Variants in COQ7 observed in about 807,000 individuals in gnomAD.
COQ7 encodes coenzyme Q7, hydroxylase.
In COQ7, 21 loss-of-function variants were observed where a neutral mutation model predicts 25.0. That is an observed-to-expected ratio of 0.84 (90% CI 0.60 to 1.21). The LOEUF (loss-of-function observed/expected upper bound fraction) is 1.21, where lower values mean the gene tolerates loss of function less well. Among genes scored for constraint, COQ7 ranks in the 50% most tolerant of loss-of-function variants. The pLI, the probability that COQ7 is intolerant of heterozygous loss-of-function variation, is 0.00. For synonymous variants in COQ7, 125 were observed against 112.4 expected (o/e 1.11, Z -0.71); for missense variants, 311 against 296.2 (o/e 1.05, Z -0.37).
rs200340978 is a variant in COQ7 at position 19,074,234 on chromosome 16, T to TA, written c.367+208dup. 979 of 421,930 alleles carry TA rather than the reference T, an allele frequency of 2.3e-3. 3 individuals carry two copies. The highest frequency in any genetic ancestry group is 0.012 in the African/African-American group (582 of 48,378). The allele number at this position is 421,930 out of a possible 1,614,324, so 26.1% of individuals were successfully genotyped here. A position where few individuals can be genotyped will look rare whatever the true frequency, so the allele number is the denominator to read the frequency against. ...AGATAGAATCTTAATGTCAGTACTTTAAAAAAAAAGGCCGGGCGTGATGGC... is the reference window on the plus strand; with the variant it reads ...AGATAGAATCTTAATGTCAGTACTTTAAAAAAAAAAGGCCGGGCGTGATGGC... On this transcript the variant is annotated intron_variant, in intron 3 of 5. Coordinates refer to ENST00000321998, the MANE Select transcript of COQ7 (RefSeq NM_016138.5).
intron 5 of COQ7, among the ~76,000 whole-genome samples, chr16:19,077,604 T>TTTTTTTTTTTTTTTTTTTTTTTTC (rs1555522742): frequency 3.5e-5 from 5 of 143,718 alleles, no homozygotes; most frequent in Non-Finnish European, 6.1e-5. Flanking sequence ...TTTTTTTTTT[T>TTTTTTTTTTTTTTTTTTTTTTTTC]CCCAGACACA....
rs1156790697 is a variant in COQ7, at chr16:19,067,854, A to G, written c.73+117A>G. 6.6e-5 allele frequency: 99 copies of G among 1,504,500 alleles called. 1 individual carries two copies. The highest frequency in any genetic ancestry group is 4.4e-6 in the Non-Finnish European group (5 of 1,135,446). 93.2% of individuals were successfully genotyped at this position (1,504,500 alleles called of 1,614,324 possible). Reference sequence around the variant, plus strand: ...AGGTTCGTAACGTCACAGGCCTGCGACGGAGCGCGACTGCGTGACTTCGGC... The same window carrying G: ...AGGTTCGTAACGTCACAGGCCTGCGGCGGAGCGCGACTGCGTGACTTCGGC... On this transcript the variant is annotated intron_variant, in intron 1 of 5. Coordinates refer to ENST00000321998, the MANE Select transcript of COQ7 (RefSeq NM_016138.5).
intron 4 of COQ7, 125 bp downstream of exon 4, chr16:19,075,985 C>T (rs1325318154): frequency 6.9e-6 from 9 of 1,304,138 alleles, no homozygotes; most frequent in African/African-American, 1.5e-5. Flanking sequence ...AGGTCAGTGC[C>T]TCAGTTTAAA....
intron 2 of COQ7, chr16:19,072,527 A>G: frequency 6.1e-6 from 1 of 162,858 alleles, no homozygotes; most frequent in South Asian, 1.7e-4. Flanking sequence ...GCTCTCTCCC[A>G]CCTCCTACCT....
At chr16:19,075,026 A>G (rs201808791) in intron 3 of COQ7, among the ~76,000 whole-genome samples, 1 of 152,086 alleles carries the variant, frequency 6.6e-6, no homozygotes, top group African/African-American at 2.4e-5. Flanking sequence ...ACTCACCCCA[A>G]ATGCTGACTT....
intron 1 of COQ7, among the ~76,000 whole-genome samples, chr16:19,071,212 G>A (rs1355161945): frequency 6.6e-6 from 1 of 152,056 alleles, no homozygotes; most frequent in Non-Finnish European, 1.5e-5. Context: ...CTTGGCTCAC[G>A]GCAATCTCTG....
downstream of COQ7, chr16:19,080,135 A>G (rs1056843793): frequency 2.6e-5 from 4 of 152,236 alleles, no homozygotes; most frequent in Non-Finnish European, 5.9e-5. Context: ...GTAAAGGGTT[A>G]TAAAAGGTTT....
Position 19,078,345 on chromosome 16 carries a change from A to G in COQ7, c.*187A>G. 3 of 455,828 alleles carry G rather than the reference A, an allele frequency of 6.6e-6. No homozygotes were observed. In the South Asian group the frequency reaches 1.3e-4, roughly 20 times the overall value. The allele number at this position is 455,828 out of a possible 1,614,324, so 28.2% of individuals were successfully genotyped here. ...TTTTCTCTGGGTTGTTTTTTCTGCC[A>G]TGAGACCAACAGGTCACCAGCCTTG... is the stretch of plus-strand genomic sequence containing the variant. On this transcript the variant is annotated 3_prime_UTR_variant, in exon 6 of 6. Coordinates refer to ENST00000321998, the MANE Select transcript of COQ7 (RefSeq NM_016138.5).
Position 19,073,959 on chromosome 16 carries a change from C to A in COQ7, c.291C>A (p.Phe97Leu). The change falls in exon 3 of 6, where the codon TTC becomes TTA. Residue 97 changes from phenylalanine to leucine, a missense_variant. Phe to Leu is a conservative substitution (Grantham distance 22, BLOSUM62 0). Transcript: ENST00000321998. Reference protein sequence around the residue: ...WDQEKDHLKKFNELMVTFRVR... With the variant: ...WDQEKDHLKKLNELMVTFRVR... Reference sequence around the variant, plus strand: ...AAGAAAAGGACCATTTGAAAAAGTTCAATGAGTTGATGGTTACGTTCAGGG... The same window carrying A: ...AAGAAAAGGACCATTTGAAAAAGTTAAATGAGTTGATGGTTACGTTCAGGG... 6.2e-7 allele frequency: 1 copy of A among 1,613,746 alleles called. No individual in the cohort carries two copies. Among genetic ancestry groups the A allele is most frequent in the South Asian group, 1.1e-5 (1 of 91,054 alleles).
At chr16:19,072,426 C>T in intron 2 of COQ7, 1 of 285,178 alleles carries the variant, frequency 3.5e-6, no homozygotes, top group Non-Finnish European at 6.7e-6. Flanking sequence ...TGTTGCAGCC[C>T]TGCCCCCTAC....
At chr16:19,074,716 A>AT (rs201140470) in intron 3 of COQ7, among the ~76,000 whole-genome samples, 2,508 of 151,728 alleles carry the variant, frequency 0.017, 35 homozygotes, top group Admixed American at 0.025. Context: ...GCACAGCTCT[A>AT]TTTTTTTTGT....
At chr16:19,080,103 A>T (rs926831551), downstream of COQ7, 1 of 152,186 alleles carries the variant, frequency 6.6e-6, no homozygotes, top group Non-Finnish European at 1.5e-5. Context: ...TAAGGTACTG[A>T]TCTGCTCTTT....
chr16:19,067,678 G>GGGC lies in COQ7; in HGVS notation c.24_26dup (p.Ala9dup), dbSNP rs531281193. On this transcript the variant is annotated inframe_insertion, in exon 1 of 6. Transcript: ENST00000321998. The stretch of plus-strand genomic sequence containing the variant: ...TTAGTTCCGGCAATGAGTTGCGCCG[G>GGGC]GGCGGCGGCGGCTCCCCGCCTTTGG... The GGGC allele has an allele frequency of 1.4e-3, 2,218 of 1,611,242 alleles. 21 individuals are homozygous for GGGC. In the African/African-American group the frequency reaches 0.023, roughly 17 times the overall value.
In COQ7 at chr16:19,078,240, CGTT is replaced by C. The variant is rs945472219; in HGVS notation, c.*85_*87del. ...TGCAGAGAAACAGGTGTACAGTTATCGTTGTACTTTTGTACAATGTGAATTTTG... is the reference window on the plus strand; with the variant it reads ...TGCAGAGAAACAGGTGTACAGTTATCGTACTTTTGTACAATGTGAATTTTG... On this transcript the variant is annotated 3_prime_UTR_variant, in exon 6 of 6. Coordinates refer to ENST00000321998, the MANE Select transcript of COQ7 (RefSeq NM_016138.5). The C allele has an allele frequency of 4.9e-6, 5 of 1,018,906 alleles. No individual in the cohort carries two copies. The highest frequency in any genetic ancestry group is 5.8e-6 in the Non-Finnish European group (4 of 694,752). The allele number at this position is 1,018,906 out of a possible 1,614,324, so 63.1% of individuals were successfully genotyped here.
chr16:19,074,490 A>C (rs1962730410), intron 3 of COQ7, among the ~76,000 whole-genome samples: 1 of 151,704 alleles, frequency 6.6e-6, no homozygotes, highest in South Asian at 2.1e-4. Flanking sequence ...GGCCCACTGC[A>C]CTCCAGCGTG....
rs747175126 is a variant in COQ7 at position 19,078,177 on chromosome 16, T to G, written c.*19T>G. 3 of 1,597,538 alleles carry G rather than the reference T, an allele frequency of 1.9e-6. No homozygotes were observed. Among genetic ancestry groups the G allele is most frequent in the Non-Finnish European group, 1.7e-6 (2 of 1,170,478 alleles). ...ATTATAAAGTGTGTCCAGTTTTGCC[T>G]GTCTATAAAAGATGATAGTAATTTA... On this transcript the variant is annotated 3_prime_UTR_variant, in exon 6 of 6. Coordinates refer to ENST00000321998, the MANE Select transcript of COQ7 (RefSeq NM_016138.5).
chr16:19,071,580 C>T (rs1178893156), intron 1 of COQ7, among the ~76,000 whole-genome samples: 1 of 152,198 alleles, frequency 6.6e-6, no homozygotes, highest in Non-Finnish European at 1.5e-5. Context: ...TTTGAAAGCT[C>T]TGTATGGGCC....
intron 5 of COQ7, among the ~76,000 whole-genome samples, chr16:19,077,590 C>CTGTTTTTTTTTTTTTTTTTTTTTTTTTT (rs1555522739): frequency 4.0e-5 from 3 of 74,378 alleles, no homozygotes; most frequent in East Asian, 5.0e-4. Flanking sequence ...TCCCCAGAAG[C>CTGTTTTTTTTTTTTTTTTTTTTTTTTTT]TTTTTTTTTT....
chr16:19,074,706 G>A (rs1962744453), intron 3 of COQ7, among the ~76,000 whole-genome samples: 1 of 151,938 alleles, frequency 6.6e-6, no homozygotes, highest in Non-Finnish European at 1.5e-5. Flanking sequence ...ATGCCACCAC[G>A]CACAGCTCTA....
Sources: gnomAD v4.1 joint callset for allele counts (sites outside exome capture counted in the v4.1 genomes callset) on GRCh38, gnomAD v4.1.1 for gene constraint, MANE v1.5 for transcripts, NCBI Gene and HGNC (gene_info 2026-07-23, HGNC 2026-07-21) for gene names.